The following VTI1A variants were observed in gnomAD, a reference collection of about 807,000 sequenced individuals.
VTI1A encodes the protein vesicle transport through interaction with t-SNAREs homolog 1A.
A neutral mutation model predicts 34.9 loss-of-function variants in VTI1A; 22 were observed. The observed-to-expected ratio is 0.63, with a 90% confidence interval of 0.45 to 0.90. The LOEUF is 0.90. VTI1A is among the 40% of genes least tolerant of loss of function. The pLI is 0.00. For missense variants in VTI1A, 268 were observed against 275.6 expected (o/e 0.97, Z 0.20); for synonymous variants, 87 against 97.3 (o/e 0.89, Z 0.62).
At chr10:112,504,265 C>A (rs990671533) in intron 3 of VTI1A, among the ~76,000 whole-genome samples, 1 of 152,158 alleles carries the variant, frequency 6.6e-6, no homozygotes, top group Non-Finnish European at 1.5e-5. Flanking sequence ...CCAACCTCCT[C>A]CCAAATCTCC....
Position 112,629,084 on chromosome 10 carries a change from C to T in VTI1A, c.428-39134C>T, listed in dbSNP as rs1055574405. Among the ~76,000 whole-genome samples the T allele has an allele frequency of 9.2e-5, 14 of 152,184 alleles. 1 individual carries two copies. The highest frequency in any genetic ancestry group is 1.5e-5 in the Non-Finnish European group (1 of 68,034). On this transcript the variant is annotated intron_variant, in intron 5 of 7. Transcript: ENST00000393077. ...CTCTCCATGTTGTCAGTTGAATAGA[C>T]AGGTGCCTTGCAGGTTGTTTGCCAA...
chr10:112,803,980 C>G (rs538165451), intron 7 of VTI1A, among the ~76,000 whole-genome samples: 2 of 152,318 alleles, frequency 1.3e-5, no homozygotes, highest in South Asian at 4.1e-4. Context: ...TCTGCAGGCC[C>G]CCTGCCATTG....
intron 3 of VTI1A, among the ~76,000 whole-genome samples, chr10:112,525,995 G>A (rs1272328278): frequency 6.6e-6 from 1 of 152,168 alleles, no homozygotes; most frequent in African/African-American, 2.4e-5. Flanking sequence ...GAAATTTTAA[G>A]TCCCAAACTC....
intron 5 of VTI1A, among the ~76,000 whole-genome samples, chr10:112,544,013 G>T (rs1391466455): frequency 2.0e-5 from 3 of 152,020 alleles, no homozygotes; most frequent in South Asian, 2.1e-4. Context: ...ATTTCTGAGG[G>T]CTCTGTTCTG....
intron 7 of VTI1A, among the ~76,000 whole-genome samples, chr10:112,693,597 A>G (rs1848681254): frequency 6.6e-6 from 1 of 152,218 alleles, no homozygotes; most frequent in Non-Finnish European, 1.5e-5. Flanking sequence ...ATCTGACACA[A>G]GGCTCAAGGC....
chr10:112,524,556 TCTC>T (rs568711092), intron 3 of VTI1A, among the ~76,000 whole-genome samples: 284 of 152,264 alleles, frequency 1.9e-3, no homozygotes, highest in Middle Eastern at 0.01. Flanking sequence ...AAGCCTTAGT[TCTC>T]CTCTGTTGCT....
chr10:112,624,338 T>C (rs1300576277), intron 5 of VTI1A, among the ~76,000 whole-genome samples: 1 of 152,206 alleles, frequency 6.6e-6, no homozygotes, highest in Admixed American at 6.5e-5. Flanking sequence ...CTCCTTGTTC[T>C]CAAGATGTTA....
At chr10:112,796,881 G>T (rs1215396595) in intron 7 of VTI1A, among the ~76,000 whole-genome samples, 1 of 152,114 alleles carries the variant, frequency 6.6e-6, no homozygotes, top group East Asian at 1.9e-4. Context: ...GAACCAGTTG[G>T]GCAAAATTGA....
At chr10:112,726,403 C>T (rs137935655) in intron 7 of VTI1A, among the ~76,000 whole-genome samples, 2 of 152,178 alleles carry the variant, frequency 1.3e-5, no homozygotes, top group East Asian at 3.9e-4. Context: ...TGTTGCTGTC[C>T]AAGCCGTCAG....
At chr10:112,586,447 G>A (rs1844162850) in intron 5 of VTI1A, among the ~76,000 whole-genome samples, 2 of 152,084 alleles carry the variant, frequency 1.3e-5, no homozygotes, top group East Asian at 1.9e-4. Context: ...CATTACAGGT[G>A]CAAAAGAGAA....
chr10:112,501,054 C>T (rs1161472739), intron 3 of VTI1A, among the ~76,000 whole-genome samples: 1 of 152,120 alleles, frequency 6.6e-6, no homozygotes, highest in East Asian at 1.9e-4. Context: ...ACACTTACTG[C>T]AATTATTTGT....
intron 7 of VTI1A, among the ~76,000 whole-genome samples, chr10:112,776,403 A>C (rs566690373): frequency 2.0e-5 from 3 of 152,280 alleles, no homozygotes; most frequent in Admixed American, 2.0e-4. Context: ...AGGCTGGTGC[A>C]GGGGAGTGCA....
chr10:112,602,167 C>A (rs1191505468), intron 5 of VTI1A, among the ~76,000 whole-genome samples: 4 of 152,182 alleles, frequency 2.6e-5, no homozygotes, highest in Admixed American at 1.3e-4. Context: ...AAAATTAAAT[C>A]ATTAATTCTA....
At chr10:112,764,851 T>A (rs1851594029) in intron 7 of VTI1A, among the ~76,000 whole-genome samples, 1 of 152,182 alleles carries the variant, frequency 6.6e-6, no homozygotes, top group African/African-American at 2.4e-5. Flanking sequence ...AAATTAGAGT[T>A]AACCATGTTA....
chr10:112,742,186 G>T (rs1417835307), intron 7 of VTI1A, among the ~76,000 whole-genome samples: 1 of 152,204 alleles, frequency 6.6e-6, no homozygotes. Flanking sequence ...GACCTGGCAG[G>T]TAAAGGCTAA....
chr10:112,449,876 C>T (rs923077675), intron 1 of VTI1A: 1 of 152,204 alleles, frequency 6.6e-6, no homozygotes, highest in Admixed American at 6.5e-5. Flanking sequence ...AGAATGCTTA[C>T]TGACTTGTAT....
intron 3 of VTI1A, among the ~76,000 whole-genome samples, chr10:112,468,495 G>A (rs1225360811): frequency 1.3e-5 from 2 of 152,300 alleles, no homozygotes; most frequent in Middle Eastern, 3.4e-3. Flanking sequence ...AGTTGAAGCC[G>A]TTCTTCTGTT....
chr10:112,450,968 C>A (rs1027521466), intron 1 of VTI1A, among the ~76,000 whole-genome samples: 1 of 152,140 alleles, frequency 6.6e-6, no homozygotes, highest in African/African-American at 2.4e-5. Context: ...TTCTGTTACA[C>A]GAAATAGGCT....
intron 5 of VTI1A, among the ~76,000 whole-genome samples, chr10:112,664,604 A>G (rs1847577649): frequency 6.6e-6 from 1 of 152,210 alleles, no homozygotes; most frequent in African/African-American, 2.4e-5. Context: ...ATGAGGCAGG[A>G]AAGTATTCAA....
Sources: allele counts gnomAD v4.1 joint callset (sites outside exome capture counted in the v4.1 genomes callset), GRCh38; gene constraint gnomAD v4.1.1; transcripts MANE v1.5; gene names NCBI Gene and HGNC (gene_info 2026-07-23, HGNC 2026-07-21).